ENTREP3: variants seen among roughly 807,000 people sequenced by gnomAD.
The protein encoded by ENTREP3 is protein ENTREP3.
chr1:155,247,371 AT>A, the ENTREP3 span: 2 of 486,318 alleles, frequency 4.1e-6, no homozygotes, highest in South Asian at 1.5e-5. Flanking sequence ...GGCCACCTAG[AT>A]TTTTTGGACT....
chr1:155,250,684 G>A, the ENTREP3 span: 1 of 1,612,690 alleles, frequency 6.2e-7, no homozygotes, highest in Non-Finnish European at 8.5e-7. The surrounding 1 kb of genome is among the most constrained non-coding windows in gnomAD (Gnocchi z 5.4). Flanking sequence ...CGGCTGCGCT[G>A]GATGGAGCGA....
chr1:155,251,798 C>T, the ENTREP3 span: 15 of 1,585,984 alleles, frequency 9.5e-6, no homozygotes, highest in South Asian at 3.4e-5. Context: ...GGGGCACAGG[C>T]GGGACAAATT....
the ENTREP3 span, chr1:155,251,924 G>A: frequency 2.1e-6 from 3 of 1,419,348 alleles, no homozygotes; most frequent in Non-Finnish European, 2.8e-6. Context: ...GAAGCGAGCA[G>A]GTCAGCAAGT....
chr1:155,251,040 C>G, the ENTREP3 span: 5 of 1,527,066 alleles, frequency 3.3e-6, no homozygotes, highest in Admixed American at 8.6e-5. Flanking sequence ...CTCTACCCAC[C>G]CCAGCTATCC....
At chr1:155,252,400 A>C in the ENTREP3 span, among the ~76,000 whole-genome samples, 1 of 150,800 alleles carries the variant, frequency 6.6e-6, no homozygotes. Flanking sequence ...ACGAAGTTTC[A>C]CTCTTGTCGC....
At chr1:155,253,681 T>C in the ENTREP3 span, 1 of 1,613,620 alleles carries the variant, frequency 6.2e-7, no homozygotes, top group Non-Finnish European at 8.5e-7. Flanking sequence ...GCAGAGAGTG[T>C]ACAGATTATA....
At chr1:155,254,401 A>G in the ENTREP3 span, 2 of 1,614,056 alleles carry the variant, frequency 1.2e-6, no homozygotes, top group Non-Finnish European at 1.7e-6. The surrounding 1 kb of genome is among the most constrained non-coding windows in gnomAD (Gnocchi z 4.4). Flanking sequence ...GGCACCTACC[A>G]CTAGAGTGAA....
the ENTREP3 span, chr1:155,254,083 C>G: frequency 4.3e-6 from 7 of 1,613,894 alleles, no homozygotes; most frequent in Non-Finnish European, 5.9e-6. This position sits in a 1 kb window ranked among gnomAD's most constrained non-coding sequence, Gnocchi z 4.4. Context: ...TCAAATCTCA[C>G]CAGAGAGCAC....
the ENTREP3 span, chr1:155,254,281 T>A: frequency 6.7e-7 from 1 of 1,493,944 alleles, no homozygotes; most frequent in Non-Finnish European, 9.3e-7. The surrounding 1 kb of genome is among the most constrained non-coding windows in gnomAD (Gnocchi z 4.4). Flanking sequence ...TCACAGACAC[T>A]TCGTGCCCAC....
the ENTREP3 span, chr1:155,253,598 G>GTGCCC: frequency 6.5e-7 from 1 of 1,537,968 alleles, no homozygotes; most frequent in Non-Finnish European, 9.0e-7. Context: ...CCATACCTGC[G>GTGCCC]TGCCCTGGCC....
At chr1:155,247,942 A>G in the ENTREP3 span, 1 of 1,601,172 alleles carries the variant, frequency 6.2e-7, no homozygotes, top group Non-Finnish European at 8.5e-7. Context: ...CCGGCCCCAC[A>G]GGCTCCGGGG....
chr1:155,249,474 G>C, the ENTREP3 span, among the ~76,000 whole-genome samples: 1 of 152,008 alleles, frequency 6.6e-6, no homozygotes, highest in Non-Finnish European at 1.5e-5. Flanking sequence ...GAGAGCTGTG[G>C]AACTGGTTTC....
the ENTREP3 span, chr1:155,253,507 C>T: frequency 4.5e-6 from 3 of 662,752 alleles, no homozygotes; most frequent in African/African-American, 5.5e-5. Flanking sequence ...AATAGATAAC[C>T]CATAGCCCCT....
chr1:155,255,429 C>T, the ENTREP3 span: 1 of 152,700 alleles, frequency 6.5e-6, no homozygotes, highest in Non-Finnish European at 1.5e-5. This position sits in a 1 kb window ranked among gnomAD's most constrained non-coding sequence, Gnocchi z 5.6. Context: ...CACCACGCTC[C>T]GCTCCCCGAG....
At chr1:155,247,508 G>C in the ENTREP3 span, 1 of 684,760 alleles carries the variant, frequency 1.5e-6, no homozygotes, top group Admixed American at 2.0e-5. Flanking sequence ...CATTCTGAGG[G>C]GGACAAGAAT....
At chr1:155,251,515 C>T in the ENTREP3 span, 13 of 1,613,434 alleles carry the variant, frequency 8.1e-6, no homozygotes, top group East Asian at 2.2e-5. Flanking sequence ...GCTGTCTCCT[C>T]GTAGTCCCAT....
the ENTREP3 span, chr1:155,248,207 G>A: frequency 6.2e-7 from 1 of 1,609,988 alleles, no homozygotes; most frequent in Non-Finnish European, 8.5e-7. Flanking sequence ...TTTTTGGAAG[G>A]TGGGCACAGG....
chr1:155,253,737 G>A, the ENTREP3 span: 1 of 1,609,120 alleles, frequency 6.2e-7, no homozygotes, highest in Non-Finnish European at 8.5e-7. Flanking sequence ...CAGGTTCTGG[G>A]GAAGGGAAAG....
the ENTREP3 span, chr1:155,252,880 C>T: frequency 6.7e-6 from 1 of 149,476 alleles, no homozygotes; most frequent in African/African-American, 2.5e-5. Context: ...TACAGGCACC[C>T]GCCACCACAC....
Sources: gnomAD v4.1 joint callset for allele counts (sites outside exome capture counted in the v4.1 genomes callset) on GRCh38, gnomAD v4.1.1 for gene constraint, Gnocchi (gnomAD v3.1) non-coding constraint, MANE v1.5 for transcripts, NCBI Gene and HGNC (gene_info 2026-07-23, HGNC 2026-07-21) for gene names.